The following SNTG1 variants were observed in gnomAD, a reference collection of about 807,000 sequenced individuals.
SNTG1 encodes the protein syntrophin gamma 1, also known as gamma-1-syntrophin.
In SNTG1, 39 loss-of-function variants were observed where a neutral mutation model predicts 74.7. The observed-to-expected ratio is 0.52, with a 90% CI of 0.40 to 0.68. SNTG1 has a LOEUF of 0.68. SNTG1 is among the 30% of genes least tolerant of loss of function. The pLI, the probability that SNTG1 is intolerant of heterozygous loss-of-function variation, is 0.00. For missense variants in SNTG1, 685 were observed against 609.5 expected, an observed-to-expected ratio of 1.12 and a Z score of -1.30; for synonymous variants, 254 against 217.1, an observed-to-expected ratio of 1.17 and a Z score of -1.49.
intron 8 of SNTG1, among the ~76,000 whole-genome samples, chr8:50,461,313 T>C (rs746400610): frequency 5.9e-5 from 9 of 152,064 alleles, no homozygotes; most frequent in Non-Finnish European, 1.5e-5. Flanking sequence ...TTACCATTGA[T>C]AATAACCTTG....
At chr8:50,225,466 C>T (rs1038737372) in intron 2 of SNTG1, among the ~76,000 whole-genome samples, 2 of 152,142 alleles carry the variant, frequency 1.3e-5, no homozygotes, top group African/African-American at 4.8e-5. Flanking sequence ...ACACACCCCA[C>T]CACCTTGAGT....
intron 3 of SNTG1, among the ~76,000 whole-genome samples, chr8:50,395,250 A>G (rs2092712231): frequency 6.6e-6 from 1 of 152,168 alleles, no homozygotes; most frequent in Admixed American, 6.5e-5. Flanking sequence ...AATTGCTTTT[A>G]TATTTCTATT....
intron 1 of SNTG1, among the ~76,000 whole-genome samples, chr8:50,047,689 C>T (rs1482030150): frequency 6.6e-6 from 1 of 152,032 alleles, no homozygotes; most frequent in Non-Finnish European, 1.5e-5. Flanking sequence ...AAATGTCCTC[C>T]CAGTCACCTT....
chr8:50,410,029 T>C (rs2131389753), intron 4 of SNTG1, among the ~76,000 whole-genome samples: 1 of 152,314 alleles, frequency 6.6e-6, no homozygotes, highest in African/African-American at 2.4e-5. Flanking sequence ...AAACACACAA[T>C]TAGCAATCCC....
At position 50,656,987 on chromosome 8, in the gene SNTG1, CTGAGGGG is replaced by C; in HGVS notation, c.929_935del (p.Leu310ProfsTer12). ...AGTGTACTCCCCGACCTTCCTGGCC[CTGAGGGG>C]CTCATGTCTCTACAAGTTTCTGGCA... On this transcript the variant is annotated frameshift_variant, in exon 14 of 19. Transcript: ENST00000642720. LOFTEE classifies it high-confidence loss of function. The C allele has an allele frequency of 6.3e-7, 1 of 1,587,822 alleles. No individual in the cohort carries two copies. The highest frequency in any genetic ancestry group is 8.6e-7 in the Non-Finnish European group (1 of 1,168,376).
At chr8:50,511,018 T>C (rs1157078495) in intron 9 of SNTG1, among the ~76,000 whole-genome samples, 1 of 152,224 alleles carries the variant, frequency 6.6e-6, no homozygotes, top group African/African-American at 2.4e-5. Context: ...AGGGTGTCAA[T>C]TTTAGAACTT....
At chr8:50,531,843 C>G (rs747589038) in intron 10 of SNTG1, among the ~76,000 whole-genome samples, 1 of 152,182 alleles carries the variant, frequency 6.6e-6, no homozygotes, top group Non-Finnish European at 1.5e-5. Flanking sequence ...TGTTCTAGGT[C>G]TTGCCTCATA....
chr8:50,377,832 G>A (rs999532206), intron 2 of SNTG1, among the ~76,000 whole-genome samples: 3 of 152,222 alleles, frequency 2.0e-5, no homozygotes, highest in Non-Finnish European at 2.9e-5. Context: ...ATTTTGGAAT[G>A]TTCCTCAGGG....
At chr8:50,150,271 T>G (rs1443855645) in intron 1 of SNTG1, among the ~76,000 whole-genome samples, 1 of 152,224 alleles carries the variant, frequency 6.6e-6, no homozygotes, top group Non-Finnish European at 1.5e-5. Context: ...TGAATTTGCT[T>G]ATCAGCTTAA....
intron 8 of SNTG1, among the ~76,000 whole-genome samples, chr8:50,468,500 C>A (rs1277309579): frequency 6.6e-6 from 1 of 152,008 alleles, no homozygotes; most frequent in Non-Finnish European, 1.5e-5. Flanking sequence ...TATTTTTCTC[C>A]ATCTCTTTAC....
chr8:50,522,577 CT>C (rs34011488), intron 9 of SNTG1, among the ~76,000 whole-genome samples: 13,732 of 126,950 alleles, frequency 0.11, 536 homozygotes, highest in South Asian at 0.2. Flanking sequence ...GACTTCCTTC[CT>C]TTTTTTTTTT....
intron 12 of SNTG1, among the ~76,000 whole-genome samples, chr8:50,557,118 A>G (rs1294397790): frequency 2.0e-5 from 3 of 150,336 alleles, no homozygotes; most frequent in South Asian, 2.2e-4. Flanking sequence ...GTGGGCAAGG[A>G]GGCTGGGCCC....
chr8:50,466,816 C>T (rs1463743113), intron 8 of SNTG1, among the ~76,000 whole-genome samples: 1 of 151,932 alleles, frequency 6.6e-6, no homozygotes, highest in African/African-American at 2.4e-5. Flanking sequence ...TTTCTAACTT[C>T]AAATTTAAAT....
chr8:50,185,345 C>T (rs1012977741), intron 2 of SNTG1, among the ~76,000 whole-genome samples: 10 of 152,256 alleles, frequency 6.6e-5, no homozygotes, highest in African/African-American at 1.4e-4. Context: ...CTGAGGCTTC[C>T]GCAGCCATAT....
At chr8:50,609,950 ACTTGTTTTTTCAT>A (rs2094838600) in intron 13 of SNTG1, among the ~76,000 whole-genome samples, 1 of 151,994 alleles carries the variant, frequency 6.6e-6, no homozygotes, top group Non-Finnish European at 1.5e-5. Context: ...GCTAAACAAA[ACTTGTTTTTTCAT>A]CCAGAGTCAG....
intron 2 of SNTG1, among the ~76,000 whole-genome samples, chr8:50,236,192 T>C (rs1385404092): frequency 6.6e-6 from 1 of 152,174 alleles, no homozygotes; most frequent in African/African-American, 2.4e-5. Flanking sequence ...CTATAGATTA[T>C]TATAATATGC....
Position 50,234,518 on chromosome 8 carries a change from C to T in SNTG1, c.-28+61883C>T, listed in dbSNP as rs570613736. Among the ~76,000 whole-genome samples the T allele has an allele frequency of 6.6e-5, 10 of 152,084 alleles. No individual in the cohort carries two copies. The East Asian group carries it at 1.7e-3, about 27-fold the overall frequency. On this transcript the variant is annotated intron_variant, in intron 2 of 18. Transcript: ENST00000642720. ...AAAATGGCATCACACTATACACACA[C>T]TTTGTACCAATGTCAATTTTCTGCA...
At chr8:50,285,814 C>CAAAA (rs71235788) in intron 2 of SNTG1, among the ~76,000 whole-genome samples, 1 of 133,982 alleles carries the variant, frequency 7.5e-6, no homozygotes. Flanking sequence ...AATATATTTC[C>CAAAA]AAAAAAAAAA....
chr8:50,544,594 CTGAA>C (rs754989249), intron 11 of SNTG1, among the ~76,000 whole-genome samples: 7 of 152,064 alleles, frequency 4.6e-5, no homozygotes, highest in African/African-American at 7.2e-5. Flanking sequence ...AAGGAATTGT[CTGAA>C]TGGGTCCAGA....
Sources: gnomAD v4.1 joint callset for allele counts (sites outside exome capture counted in the v4.1 genomes callset) on GRCh38, gnomAD v4.1.1 for gene constraint, MANE v1.5 for transcripts, NCBI Gene and HGNC (gene_info 2026-07-23, HGNC 2026-07-21) for gene names.